The following MYRFL variants were observed in gnomAD, a reference collection of about 807,000 sequenced individuals.
The protein encoded by MYRFL is myelin regulatory factor like.
MYRFL carries 88 observed loss-of-function variants against 109.4 expected under a neutral mutation model. The ratio of observed to expected loss-of-function variants is 0.80; its 90% confidence interval spans 0.68 to 0.96. The LOEUF (loss-of-function observed/expected upper bound fraction) is 0.96. MYRFL is among the 40% of genes least tolerant of loss of function. The pLI, the probability that MYRFL is intolerant of heterozygous loss-of-function variation, is 0.00. For missense variants in MYRFL, 957 were observed against 954.9 expected (o/e 1.00, Z -0.03); for synonymous variants, 324 against 320.9 (o/e 1.01, Z -0.10).
Position 69,918,830 on chromosome 12 carries a change from ACT to A in MYRFL, c.1603-7738_1603-7737del, listed in dbSNP as rs1223778584. ...GGACAAGAATATAACTTTTCACTTGACTCTATTATTTTATTCTTTCCTGGTAC... is the reference window on the plus strand; with the variant it reads ...GGACAAGAATATAACTTTTCACTTGACTATTATTTTATTCTTTCCTGGTAC... On this transcript the variant is annotated intron_variant, in intron 13 of 24. Transcript: ENST00000552032. Among the ~76,000 whole-genome samples, 7 of 152,112 alleles carry A rather than the reference ACT, an allele frequency of 4.6e-5. 1 individual carries two copies. The East Asian group carries it at 7.7e-4, about 17-fold the overall frequency.
At chr12:69,896,715 C>G (rs532807651) in intron 9 of MYRFL, among the ~76,000 whole-genome samples, 198 of 152,274 alleles carry the variant, frequency 1.3e-3, no homozygotes, top group African/African-American at 4.5e-3. Flanking sequence ...CCATTAAGGC[C>G]CAGGCCATGT....
chr12:69,957,920 A>G lies in MYRFL; in HGVS notation c.2549A>G (p.Glu850Gly), dbSNP rs1168697048. The G allele has an allele frequency of 3.9e-6, 6 of 1,534,410 alleles. No individual in the cohort carries two copies. In the African/African-American group the frequency reaches 6.8e-5, roughly 18 times the overall value. The change falls in exon 23 of 25, where the codon GAA becomes GGA. Residue 850 changes from glutamate to glycine, a missense_variant. Physicochemically the swap from Glu to Gly is moderately conservative, Grantham distance 98. Coordinates refer to ENST00000552032, the MANE Select transcript of MYRFL (RefSeq NM_182530.3). The part of the protein sequence containing the change: ...RGTKGLESHR[E>G]ISQEMTQGYQ... ...ACCAAAGGGCTGGAAAGCCACAGAG[A>G]AATCTCCCAGGAGATGACACAGGTA...
chr12:69,858,129 C>G (rs945611100), intron 2 of MYRFL, among the ~76,000 whole-genome samples: 2 of 151,336 alleles, frequency 1.3e-5, no homozygotes, highest in Admixed American at 6.6e-5. Flanking sequence ...GTTTTTTCTT[C>G]CCATCTGTTA....
chr12:69,828,660 G>A (rs1592669104), intron 1 of MYRFL, among the ~76,000 whole-genome samples: 2 of 152,050 alleles, frequency 1.3e-5, no homozygotes, highest in African/African-American at 4.8e-5. Flanking sequence ...CATGTGCCAA[G>A]CGCCGTGCTA....
chr12:69,869,793 TG>T (rs1229691909), intron 2 of MYRFL, among the ~76,000 whole-genome samples: 1 of 152,154 alleles, frequency 6.6e-6, no homozygotes, highest in Non-Finnish European at 1.5e-5. Context: ...GCCTAATGTC[TG>T]GTAGAGTCAT....
At chr12:69,929,298 G>A (rs1358749628) in intron 15 of MYRFL, among the ~76,000 whole-genome samples, 1 of 152,168 alleles carries the variant, frequency 6.6e-6, no homozygotes, top group Non-Finnish European at 1.5e-5. Context: ...GGGCATGTGG[G>A]AGGCAGAAAG....
At chr12:69,900,995 A>G (rs1214525116) in intron 10 of MYRFL, among the ~76,000 whole-genome samples, 1 of 152,170 alleles carries the variant, frequency 6.6e-6, no homozygotes. Flanking sequence ...TCATGCACAC[A>G]TGATTTCACT....
intron 14 of MYRFL, among the ~76,000 whole-genome samples, chr12:69,927,359 G>A (rs1209879446): frequency 6.6e-6 from 1 of 151,320 alleles, no homozygotes; most frequent in African/African-American, 2.4e-5. Flanking sequence ...AGGAGAAGTG[G>A]TCATTTCTAA....
intron 23 of MYRFL, 86 bp from the exon 24 acceptor site, chr12:69,958,163 T>C: frequency 7.9e-7 from 1 of 1,267,034 alleles, no homozygotes; most frequent in Non-Finnish European, 1.1e-6. Flanking sequence ...CTACAGTCAT[T>C]GAGGAAATGC....
In MYRFL at chr12:69,938,655, T is replaced by TA. The variant is rs964032642; in HGVS notation, c.2224+2032dup. 2.8e-4 allele frequency among the ~76,000 whole-genome samples: 42 copies of TA among 151,662 alleles called. 1 individual carries two copies. The highest frequency in any genetic ancestry group is 7.5e-4 in the African/African-American group (31 of 41,330). On this transcript the variant is annotated intron_variant, in intron 19 of 24. Coordinates refer to ENST00000552032, the MANE Select transcript of MYRFL (RefSeq NM_182530.3). Reference sequence around the variant, plus strand: ...AGTTTTTAATGAAAAGGTTTAAAAGTAAAAAAAAATTTTAAATAAAAAAAG... The same window carrying TA: ...AGTTTTTAATGAAAAGGTTTAAAAGTAAAAAAAAAATTTTAAATAAAAAAAG...
chr12:69,898,108 A>G (rs10879042), intron 10 of MYRFL, among the ~76,000 whole-genome samples: 48,200 of 152,058 alleles, frequency 0.32, 7,937 homozygotes, highest in African/African-American at 0.36. Flanking sequence ...ATAGAGAACA[A>G]TGTTCACTGT....
In MYRFL at chr12:69,879,176, T is replaced by C. The variant is rs1214696853; in HGVS notation, c.206-19T>C. On this transcript the variant is annotated intron_variant, in intron 3 of 24. Transcript: ENST00000552032. ...TGGGCCGTGAGAAAGGGGCACTTCC[T>C]GCTTGTGTCTCTCCCCAGGTGCATG... 1.4e-6 allele frequency: 1 copy of C among 700,886 alleles called. No individual in the cohort carries two copies. The highest frequency in any genetic ancestry group is 2.6e-6 in the Non-Finnish European group (1 of 383,954). 43.4% of individuals were successfully genotyped at this position (700,886 alleles called of 1,614,324 possible).
intron 1 of MYRFL, among the ~76,000 whole-genome samples, chr12:69,832,714 C>T (rs891571043): frequency 9.9e-5 from 15 of 152,020 alleles, no homozygotes; most frequent in Admixed American, 7.9e-4. Context: ...GAGGTGGAAG[C>T]GCTTGAAGTG....
At chr12:69,852,795 G>A (rs562960089) in intron 1 of MYRFL, among the ~76,000 whole-genome samples, 5 of 151,840 alleles carry the variant, frequency 3.3e-5, no homozygotes, top group Non-Finnish European at 5.9e-5. Context: ...GACTCTTAAC[G>A]AGCGTGCTGC....
rs918063046 is a variant in MYRFL at position 69,897,206 on chromosome 12, A to G, written c.1142A>G (p.Tyr381Cys). ...TATGCTGCTAACCAAGACCAGTTCT[A>G]TCTGTTGTCTGCCCACATCTCTGAA... Reference protein sequence around the residue: ...GLYAANQDQFYLLSAHISERI... With the variant: ...GLYAANQDQFCLLSAHISERI... Residue 381 changes from tyrosine to cysteine, a missense_variant, in exon 10 of 25, where the codon TAT becomes TGT. Physicochemically the swap from Tyr to Cys is radical, Grantham distance 194 (BLOSUM62 -2). Coordinates refer to ENST00000552032, the MANE Select transcript of MYRFL (RefSeq NM_182530.3). 2.0e-6 allele frequency: 3 copies of G among 1,535,830 alleles called. No homozygotes were observed. The highest frequency in any genetic ancestry group is 1.2e-5 in the South Asian group (1 of 84,058).
chr12:69,847,277 AG>A (rs1415856369), intron 1 of MYRFL, among the ~76,000 whole-genome samples: 1 of 152,194 alleles, frequency 6.6e-6, no homozygotes. Context: ...GGGGTGAAGG[AG>A]GGCATATAGA....
intron 19 of MYRFL, among the ~76,000 whole-genome samples, chr12:69,950,601 C>T (rs2120542305): frequency 6.6e-6 from 1 of 152,232 alleles, no homozygotes; most frequent in South Asian, 2.1e-4. Context: ...ACTTTAGGGC[C>T]TGTTATACTC....
chr12:69,902,335 T>C (rs1027587033), intron 10 of MYRFL, among the ~76,000 whole-genome samples: 9 of 152,238 alleles, frequency 5.9e-5, no homozygotes, highest in Non-Finnish European at 1.3e-4. Flanking sequence ...ACTTTGTGGT[T>C]TCTTTTAATT....
intron 1 of MYRFL, among the ~76,000 whole-genome samples, chr12:69,835,899 G>A (rs1175500408): frequency 1.3e-5 from 2 of 152,212 alleles, no homozygotes; most frequent in Non-Finnish European, 2.9e-5. Flanking sequence ...GTGGATGTGT[G>A]TTACAGTGTG....
Sources: gnomAD v4.1 joint callset for allele counts (sites outside exome capture counted in the v4.1 genomes callset) on GRCh38, gnomAD v4.1.1 for gene constraint, MANE v1.5 for transcripts, NCBI Gene and HGNC (gene_info 2026-07-23, HGNC 2026-07-21) for gene names.